MTUS2: variants seen among roughly 807,000 people sequenced by gnomAD.
The protein encoded by MTUS2 is microtubule associated scaffold protein 2.
MTUS2 carries 40 observed loss-of-function variants against 114.1 expected under a neutral mutation model. That is an observed-to-expected ratio of 0.35 (90% CI 0.27 to 0.46). The LOEUF is 0.46. Ranked by LOEUF, MTUS2 falls within the 20% of genes least tolerant of loss-of-function variation. The pLI is 1.00. For synonymous variants in MTUS2, 688 were observed against 672.0 expected, an observed-to-expected ratio of 1.02 and a Z score of -0.37; for missense variants, 1,679 against 1,705.4, an observed-to-expected ratio of 0.98 and a Z score of 0.27.
rs1240201080 is a variant in MTUS2, at chr13:29,080,683, C to A, written c.2447-20090C>A. Among the ~76,000 whole-genome samples the A allele has an allele frequency of 3.9e-5, 6 of 152,278 alleles. 1 individual carries two copies. The highest frequency in any genetic ancestry group is 4.2e-4 in the South Asian group (2 of 4,816). On this transcript the variant is annotated intron_variant, in intron 4 of 15. Transcript: ENST00000612955. ...GTGCCCACCAAGATTGAGGGTGAGT[C>A]TGCCTTTCCCAGTCCACTGACTCAA...
chr13:29,248,094 G>A (rs531358265), intron 5 of MTUS2, among the ~76,000 whole-genome samples: 6 of 152,354 alleles, frequency 3.9e-5, no homozygotes, highest in South Asian at 2.1e-4. Flanking sequence ...AATGGCATTC[G>A]CAACAACCTG....
chr13:29,449,228 G>A (rs1157074881), intron 9 of MTUS2, among the ~76,000 whole-genome samples: 1 of 152,130 alleles, frequency 6.6e-6, no homozygotes, highest in East Asian at 1.9e-4. Context: ...TTAACGTATG[G>A]TAGGAATATA....
At chr13:29,089,080 A>G (rs1233472034) in intron 4 of MTUS2, among the ~76,000 whole-genome samples, 1 of 152,216 alleles carries the variant, frequency 6.6e-6, no homozygotes, top group Non-Finnish European at 1.5e-5. Flanking sequence ...TGTTTTTGCA[A>G]TAGCAGGTAT....
At chr13:29,318,746 G>A (rs1900128269) in intron 6 of MTUS2, among the ~76,000 whole-genome samples, 1 of 152,152 alleles carries the variant, frequency 6.6e-6, no homozygotes, top group Admixed American at 6.5e-5. Context: ...GAAGGCCCTT[G>A]TCCACGGGAG....
Position 29,274,486 on chromosome 13 carries a change from A to C in MTUS2, c.2645-7218A>C, listed in dbSNP as rs550292906. ...TGCACCATTTTATACTCCCATAGCA[A>C]TGTATGAAGATTCCAGTTTCTCCAC... On this transcript the variant is annotated intron_variant, in intron 5 of 15. Transcript: ENST00000612955. Among the ~76,000 whole-genome samples, 19 of 152,176 alleles carry C rather than the reference A, an allele frequency of 1.2e-4. 1 individual carries two copies. The highest frequency in any genetic ancestry group is 5.9e-4 in the Admixed American group (9 of 15,280).
intron 2 of MTUS2, among the ~76,000 whole-genome samples, chr13:28,876,789 C>T (rs547794895): frequency 1.7e-4 from 26 of 152,120 alleles, no homozygotes; most frequent in Non-Finnish European, 3.4e-4. Context: ...GGAAAACACG[C>T]TGGGTAAATG....
intron 5 of MTUS2, among the ~76,000 whole-genome samples, chr13:29,143,824 C>A (rs758645402): frequency 1.3e-5 from 2 of 152,154 alleles, no homozygotes; most frequent in Admixed American, 6.5e-5. Context: ...ACAGCAGTTC[C>A]ATTTTAATGA....
intron 2 of MTUS2, among the ~76,000 whole-genome samples, chr13:28,946,463 A>G (rs945792206): frequency 6.6e-5 from 10 of 152,192 alleles, no homozygotes; most frequent in Admixed American, 3.3e-4. Flanking sequence ...AAGTCATGGC[A>G]TAGGTGTTTG....
At chr13:29,190,003 TC>T (rs1307885625) in intron 5 of MTUS2, among the ~76,000 whole-genome samples, 1 of 152,190 alleles carries the variant, frequency 6.6e-6, no homozygotes, top group Non-Finnish European at 1.5e-5. Flanking sequence ...GCTCTTCCCT[TC>T]AGCCATATGA....
intron 5 of MTUS2, among the ~76,000 whole-genome samples, chr13:29,226,983 G>C (rs6490380): frequency 0.85 from 129,923 of 152,124 alleles, 55,628 homozygotes; most frequent in African/African-American, 0.91. Flanking sequence ...AGGGGCTGGG[G>C]GCGGTGGGTC....
intron 5 of MTUS2, among the ~76,000 whole-genome samples, chr13:29,125,918 G>C (rs1891495153): frequency 6.6e-6 from 1 of 152,220 alleles, no homozygotes; most frequent in Non-Finnish European, 1.5e-5. Context: ...AATAAAGTCA[G>C]TGGCAAATGT....
chr13:29,391,284 T>G (rs1873436816), intron 8 of MTUS2, among the ~76,000 whole-genome samples: 1 of 152,186 alleles, frequency 6.6e-6, no homozygotes, highest in Non-Finnish European at 1.5e-5. Flanking sequence ...GAGACAGGGT[T>G]TCACCATGTT....
chr13:29,230,044 A>G (rs7996682), intron 5 of MTUS2, among the ~76,000 whole-genome samples: 125,332 of 151,958 alleles, frequency 0.82, 51,727 homozygotes, highest in East Asian at 0.89. Context: ...CAGGAGACCA[A>G]GATCATCCTG....
intron 1 of MTUS2, among the ~76,000 whole-genome samples, chr13:28,823,233 A>G (rs1874030241): frequency 6.6e-6 from 1 of 152,280 alleles, no homozygotes; most frequent in Non-Finnish European, 1.5e-5. Context: ...TTCAACAGTA[A>G]GCAAACAAAC....
At chr13:29,405,099 C>G (rs1874653957) in intron 8 of MTUS2, among the ~76,000 whole-genome samples, 1 of 152,204 alleles carries the variant, frequency 6.6e-6, no homozygotes, top group South Asian at 2.1e-4. Context: ...AGTAAATCTG[C>G]TGCTTTCCTA....
rs1382762148 is a variant in MTUS2 at position 29,025,435 on chromosome 13, C to G, written c.737C>G (p.Pro246Arg). 1 of 1,611,964 alleles carries G rather than the reference C, an allele frequency of 6.2e-7. No homozygotes were observed. Among genetic ancestry groups the G allele is most frequent in the African/African-American group, 1.3e-5 (1 of 74,390 alleles). ...SEGKSVRHPKPSTSESKQSTP... is the reference protein window; with the variant it reads ...SEGKSVRHPKRSTSESKQSTP... ...GGAAAGAGTGTGCGTCATCCTAAAC[C>G]ATCTACCTCAGAAAGCAAGCAGAGC... Residue 246 changes from proline to arginine, a missense_variant, in exon 3 of 16, where the codon CCA becomes CGA. Physicochemically the swap from Pro to Arg is moderately radical, Grantham distance 103. Transcript: ENST00000612955.
At chr13:28,886,055 T>G (rs541652311) in intron 2 of MTUS2, among the ~76,000 whole-genome samples, 3 of 152,252 alleles carry the variant, frequency 2.0e-5, no homozygotes, top group Admixed American at 1.3e-4. Context: ...CAGATTGGAA[T>G]GTGCCTGGTG....
chr13:29,180,827 C>T (rs903241559), intron 5 of MTUS2, among the ~76,000 whole-genome samples: 1 of 152,106 alleles, frequency 6.6e-6, no homozygotes, highest in Non-Finnish European at 1.5e-5. Context: ...AGCCTTTGGC[C>T]TCATCAGCAC....
intron 7 of MTUS2, among the ~76,000 whole-genome samples, chr13:29,336,218 G>A (rs1048688697): frequency 6.6e-6 from 1 of 152,142 alleles, no homozygotes; most frequent in Admixed American, 6.5e-5. Context: ...AGGAGAAAAG[G>A]CATTCTGGTT....
Sources: allele counts gnomAD v4.1 joint callset (sites outside exome capture counted in the v4.1 genomes callset), GRCh38; gene constraint gnomAD v4.1.1; transcripts MANE v1.5; gene names NCBI Gene and HGNC (gene_info 2026-07-23, HGNC 2026-07-21).